Variants in HEATR5B observed in about 807,000 individuals in gnomAD.
The protein encoded by HEATR5B is HEAT repeat containing 5B, also known as HEAT repeat-containing protein 5B.
HEATR5B carries 156 observed loss-of-function variants against 224.1 expected under a neutral mutation model. The ratio of observed to expected loss-of-function variants is 0.70; its 90% CI spans 0.61 to 0.80. The LOEUF (loss-of-function observed/expected upper bound fraction) is 0.80, where lower values mean the gene tolerates loss of function less well. HEATR5B is among the 30% of genes least tolerant of loss of function. The probability of loss-of-function intolerance (pLI) is 0.00; values close to 1 mark genes in which losing one functional copy is unlikely to be tolerated. For synonymous variants in HEATR5B, 1,027 were observed against 893.0 expected, an observed-to-expected ratio of 1.15 and a Z score of -2.68; for missense variants, 2,323 against 2,535.5, an observed-to-expected ratio of 0.92 and a Z score of 1.80.
At chr2:37,048,602 A>G (rs1257370814) in intron 18 of HEATR5B, among the ~76,000 whole-genome samples, 3 of 152,248 alleles carry the variant, frequency 2.0e-5, no homozygotes, top group African/African-American at 7.2e-5. Context: ...CATTAAATGG[A>G]TAACTAAGAT....
intron 18 of HEATR5B, among the ~76,000 whole-genome samples, chr2:37,044,057 A>T (rs1031073819): frequency 4.6e-5 from 7 of 152,254 alleles, no homozygotes; most frequent in African/African-American, 1.7e-4. Context: ...ATCAAGATGT[A>T]ATCAATATAC....
intron 7 of HEATR5B, among the ~76,000 whole-genome samples, chr2:37,069,457 G>A (rs563840534): frequency 8.0e-4 from 122 of 152,052 alleles, no homozygotes; most frequent in Non-Finnish European, 1.3e-3. Flanking sequence ...CTCTTATTCC[G>A]TGTTATTTTG....
chr2:37,003,409 T>C (rs947236934), intron 31 of HEATR5B, 133 bp downstream of exon 31: 8 of 598,948 alleles, frequency 1.3e-5, no homozygotes, highest in Middle Eastern at 4.6e-4. Flanking sequence ...GCGCTCCAGC[T>C]TGGGTGACCG....
intron 21 of HEATR5B, among the ~76,000 whole-genome samples, chr2:37,034,700 G>C (rs909700625): frequency 1.3e-5 from 2 of 148,818 alleles, no homozygotes; most frequent in Non-Finnish European, 3.0e-5. Context: ...TCAACCTCTC[G>C]GGCTCAAGCG....
chr2:37,066,552 T>A (rs1294872449), intron 8 of HEATR5B, among the ~76,000 whole-genome samples: 1 of 152,198 alleles, frequency 6.6e-6, no homozygotes, highest in Non-Finnish European at 1.5e-5. Context: ...TAAGTTCCCA[T>A]TAATTAACCT....
At chr2:37,039,239 G>A (rs959623755) in intron 20 of HEATR5B, among the ~76,000 whole-genome samples, 1 of 151,650 alleles carries the variant, frequency 6.6e-6, no homozygotes, top group African/African-American at 2.4e-5. Context: ...GGCCGAGGTG[G>A]GTGGATCATG....
At position 37,062,394 on chromosome 2, in the gene HEATR5B, C is replaced by T. The variant is rs535123787; in HGVS notation, c.1585-344G>A. On this transcript the variant is annotated intron_variant, in intron 10 of 35. Transcript: ENST00000233099. ...GCAGTGAGCAGAGATTGCACTACTG[C>T]ACTCCAGCCTGGGTGACAGAGCGAG... Among the ~76,000 whole-genome samples the T allele has an allele frequency of 3.3e-5, 5 of 152,268 alleles. No individual in the cohort carries two copies. In the South Asian group the frequency reaches 6.2e-4, roughly 19 times the overall value.
Position 37,067,286 on chromosome 2 carries a change from T to C in HEATR5B, c.1178-1376A>G, listed in dbSNP as rs140932136. On this transcript the variant is annotated intron_variant, in intron 8 of 35. Transcript: ENST00000233099. ...GGTGCTGTATGCATCTGGCTTGCTA[T>C]TTTACTCCCACCATTTGACGCGGTG... 2.8e-3 allele frequency among the ~76,000 whole-genome samples: 432 copies of C among 152,314 alleles called. 6 individuals are homozygous for C. The highest frequency in any genetic ancestry group is 1.0e-2 in the African/African-American group (415 of 41,572).
At chr2:37,038,656 A>C (rs1669668361) in intron 20 of HEATR5B, among the ~76,000 whole-genome samples, 1 of 152,156 alleles carries the variant, frequency 6.6e-6, no homozygotes, top group Non-Finnish European at 1.5e-5. Context: ...GGTCTAAGCA[A>C]GCGGCTTATT....
At chr2:37,065,113 C>G (rs1671510432) in intron 9 of HEATR5B, 123 bp from the exon 10 acceptor site, 1 of 947,392 alleles carries the variant, frequency 1.1e-6, no homozygotes, top group Non-Finnish European at 1.6e-6. Context: ...TATAGATCCA[C>G]AACTTTGCCT....
rs965374255 is a variant in HEATR5B, at chr2:37,002,284, C to G, written c.5317+22G>C. 3 of 1,613,454 alleles carry G rather than the reference C, an allele frequency of 1.9e-6. No homozygotes were observed. In the African/African-American group the frequency reaches 4.0e-5, roughly 22 times the overall value. ...TGTCTACTGTAATATAATGCATTTC[C>G]AAATACTGATCAATACCGTACCAGC... On this transcript the variant is annotated intron_variant, in intron 32 of 35. Coordinates refer to ENST00000233099, the MANE Select transcript of HEATR5B (RefSeq NM_019024.3).
At chr2:37,023,419 T>C (rs1253349521) in intron 24 of HEATR5B, among the ~76,000 whole-genome samples, 1 of 152,160 alleles carries the variant, frequency 6.6e-6, no homozygotes, top group African/African-American at 2.4e-5. Flanking sequence ...AAGATGTGTA[T>C]CTTCATATTT....
At chr2:37,057,861 A>G (rs975243723) in intron 14 of HEATR5B, among the ~76,000 whole-genome samples, 5 of 152,180 alleles carry the variant, frequency 3.3e-5, no homozygotes, top group African/African-American at 9.7e-5. Flanking sequence ...ACACAAACAA[A>G]GATACTTTAT....
intron 9 of HEATR5B, among the ~76,000 whole-genome samples, chr2:37,065,211 AG>A (rs1558367496): frequency 6.6e-6 from 1 of 152,234 alleles, no homozygotes; most frequent in Non-Finnish European, 1.5e-5. Flanking sequence ...AAAATTTAAT[AG>A]AAGTCTTCAA....
At chr2:37,035,300 T>A (rs562734836) in intron 21 of HEATR5B, among the ~76,000 whole-genome samples, 29 of 152,314 alleles carry the variant, frequency 1.9e-4, no homozygotes, top group African/African-American at 7.0e-4. Flanking sequence ...GTATCTTTAA[T>A]CCCTATATTT....
intron 29 of HEATR5B, 88 bp downstream of exon 29, chr2:37,006,962 C>T: frequency 1.5e-6 from 2 of 1,306,656 alleles, no homozygotes; most frequent in East Asian, 4.6e-5. Context: ...CTGTGCTATA[C>T]TGTACAAAAT....
Position 37,083,368 on chromosome 2 carries a change from T to C in HEATR5B, c.47A>G (p.Gln16Arg). Residue 16 changes from glutamine (Q) to arginine (R), a missense_variant, in exon 2 of 36, where the codon CAA becomes CGA. Around this residue, in one of 12 missense-constraint regions of HEATR5B, gnomAD observed 292 missense variants for 332.6 expected, o/e 0.88. Coordinates refer to ENST00000233099, the MANE Select transcript of HEATR5B (RefSeq NM_019024.3). Reference sequence around the variant, plus strand: ...AACTGGTCTTTTTGCTTCGGTGATTTGAGCCAAAGCTTCTTCATTTAGCAA... The same window carrying C: ...AACTGGTCTTTTTGCTTCGGTGATTCGAGCCAAAGCTTCTTCATTTAGCAA... Reference protein sequence around the residue: ...SLLLNEEALAQITEAKRPVFI... With the variant: ...SLLLNEEALARITEAKRPVFI... 6.2e-7 allele frequency: 1 copy of C among 1,613,788 alleles called. No homozygotes were observed. The highest frequency in any genetic ancestry group is 8.5e-7 in the Non-Finnish European group (1 of 1,179,674).
intron 7 of HEATR5B, 40 bp from the exon 8 acceptor site, chr2:37,068,970 TA>T: frequency 6.4e-7 from 1 of 1,574,728 alleles, no homozygotes; most frequent in Non-Finnish European, 8.6e-7. Flanking sequence ...TACACTTACA[TA>T]ACTGAACAGA....
chr2:37,058,886 A>T lies in HEATR5B; in HGVS notation c.1949+2T>A, dbSNP rs1671077614. 1 of 1,566,724 alleles carries T rather than the reference A, an allele frequency of 6.4e-7. No homozygotes were observed. The highest frequency in any genetic ancestry group is 8.8e-7 in the Non-Finnish European group (1 of 1,139,800). On this transcript the variant is annotated splice_donor_variant, in intron 13 of 35. Coordinates refer to ENST00000233099, the MANE Select transcript of HEATR5B (RefSeq NM_019024.3). LOFTEE classifies it high-confidence loss of function. Reference sequence around the variant, plus strand: ...GTGAACTTGTCTCAATCGCTTACTTACTGTGACATCATAGTCATGGCACAT... The same window carrying T: ...GTGAACTTGTCTCAATCGCTTACTTTCTGTGACATCATAGTCATGGCACAT...
Sources: gnomAD v4.1 joint callset for allele counts (sites outside exome capture counted in the v4.1 genomes callset) on GRCh38, gnomAD v4.1.1 for gene constraint, gnomAD v4.1.1 regional missense constraint, MANE v1.5 for transcripts, NCBI Gene and HGNC (gene_info 2026-07-23, HGNC 2026-07-21) for gene names.